DRC4: variants seen among roughly 807,000 people sequenced by gnomAD.
DRC4 encodes the protein GAS-11.
the DRC4 span, chr16:90,042,578 G>A: frequency 5.8e-6 from 9 of 1,545,572 alleles, no homozygotes; most frequent in Admixed American, 1.7e-5. Context: ...CCCCCTCGGT[G>A]CCCAGACTGT....
the DRC4 span, among the ~76,000 whole-genome samples, chr16:90,027,235 A>G: frequency 0.33 from 50,030 of 151,216 alleles, 8,431 homozygotes; most frequent in South Asian, 0.44. Context: ...ACAGGCGCCC[A>G]CCGGCACGCC....
the DRC4 span, among the ~76,000 whole-genome samples, chr16:90,030,330 C>T: frequency 3.3e-5 from 5 of 151,914 alleles, no homozygotes; most frequent in Non-Finnish European, 7.4e-5. Context: ...AATTTTTCAA[C>T]CATTTCCATA....
chr16:90,022,277 C>G, the DRC4 span: 1 of 161,090 alleles, frequency 6.2e-6, no homozygotes, highest in African/African-American at 2.4e-5. Context: ...TGAGTGAGGC[C>G]CAGGGGATAG....
chr16:90,021,790 G>T, the DRC4 span, among the ~76,000 whole-genome samples: 1 of 150,366 alleles, frequency 6.7e-6, no homozygotes, highest in Non-Finnish European at 1.5e-5. Context: ...GATTGCTTGA[G>T]CCCAGGAGGT....
chr16:90,038,770 G>A, the DRC4 span, among the ~76,000 whole-genome samples: 1 of 152,340 alleles, frequency 6.6e-6, no homozygotes, highest in Non-Finnish European at 1.5e-5. Flanking sequence ...AAGATTCGCA[G>A]TGAGTGGTAG....
chr16:90,044,216 T>C, the DRC4 span: 1 of 452,614 alleles, frequency 2.2e-6, no homozygotes, highest in African/African-American at 2.0e-5. Context: ...GAGCTGGAGT[T>C]GGCTCAGATG....
the DRC4 span, among the ~76,000 whole-genome samples, chr16:90,041,723 T>C: frequency 6.6e-6 from 1 of 151,826 alleles, no homozygotes; most frequent in Admixed American, 6.6e-5. Flanking sequence ...TCCTGGCACC[T>C]GGGAGGCGGA....
At chr16:90,039,490 A>G in the DRC4 span, among the ~76,000 whole-genome samples, 2 of 149,732 alleles carry the variant, frequency 1.3e-5, no homozygotes, top group Non-Finnish European at 3.0e-5. Flanking sequence ...GGTTCAAGTG[A>G]TACTCCTGCC....
the DRC4 span, among the ~76,000 whole-genome samples, chr16:90,030,503 G>A: frequency 1.4e-5 from 2 of 143,538 alleles, no homozygotes; most frequent in African/African-American, 5.5e-5. Context: ...ACCACTCCTG[G>A]CTAATTTTTT....
chr16:90,039,080 G>T, the DRC4 span, among the ~76,000 whole-genome samples: 1 of 152,214 alleles, frequency 6.6e-6, no homozygotes, highest in Admixed American at 6.5e-5. Context: ...TGCATTGCTA[G>T]GCTGTGCCAA....
chr16:90,032,653 C>T, the DRC4 span: 640,432 of 1,479,696 alleles, frequency 0.43, 146,004 homozygotes, highest in East Asian at 0.85. Context: ...ACCAGGTGTG[C>T]ACAGGTACGG....
the DRC4 span, among the ~76,000 whole-genome samples, chr16:90,028,339 C>T: frequency 6.6e-6 from 1 of 151,866 alleles, no homozygotes; most frequent in Admixed American, 6.6e-5. Context: ...CACCTGCCAC[C>T]ACGCCTGGCT....
chr16:90,024,987 T>C, the DRC4 span, among the ~76,000 whole-genome samples: 2 of 151,638 alleles, frequency 1.3e-5, no homozygotes, highest in African/African-American at 4.8e-5. Context: ...CAGTGTTTTC[T>C]AAAATTTCCA....
the DRC4 span, chr16:90,044,944 A>C: frequency 5.1e-6 from 1 of 196,630 alleles, no homozygotes; most frequent in South Asian, 8.1e-5. Context: ...AAAACTTATA[A>C]AGTGGATTAT....
the DRC4 span, chr16:90,039,732 T>A: frequency 1.2e-5 from 2 of 164,680 alleles, no homozygotes; most frequent in Admixed American, 1.1e-4. Flanking sequence ...CTAGATTTTT[T>A]TAGAATGCAC....
the DRC4 span, chr16:90,040,208 C>T: frequency 3.2e-6 from 4 of 1,261,466 alleles, no homozygotes; most frequent in South Asian, 5.2e-5. Flanking sequence ...CAGCGTGTTC[C>T]AGGCAGGTGC....
At chr16:90,042,846 C>G in the DRC4 span, 2 of 508,142 alleles carry the variant, frequency 3.9e-6, no homozygotes, top group East Asian at 6.8e-5. Flanking sequence ...GGGAAGGAAA[C>G]AGACGTCATT....
At chr16:90,020,548 C>G in the DRC4 span, among the ~76,000 whole-genome samples, 1 of 152,348 alleles carries the variant, frequency 6.6e-6, no homozygotes, top group Non-Finnish European at 1.5e-5. Context: ...AGCTGCACAG[C>G]TTGACACTGA....
At chr16:90,019,864 C>T in the DRC4 span, 5 of 682,640 alleles carry the variant, frequency 7.3e-6, no homozygotes, top group East Asian at 1.4e-4. The surrounding 1 kb of genome is among the most constrained non-coding windows in gnomAD (Gnocchi z 6.1). Context: ...ATGACAGACT[C>T]ACAGAGCGCC....
Sources: allele counts gnomAD v4.1 joint callset (sites outside exome capture counted in the v4.1 genomes callset), GRCh38; gene constraint gnomAD v4.1.1; non-coding constraint Gnocchi (gnomAD v3.1); transcripts MANE v1.5; gene names NCBI Gene and HGNC (gene_info 2026-07-23, HGNC 2026-07-21).